CNKSR3: variants seen among roughly 807,000 people sequenced by gnomAD.
The protein encoded by CNKSR3 is CNKSR family member 3.
CNKSR3 carries 36 observed loss-of-function variants against 67.7 expected under a neutral mutation model. The ratio of observed to expected loss-of-function variants is 0.53; its 90% CI spans 0.41 to 0.70. CNKSR3 has a LOEUF of 0.70. CNKSR3 is among the 30% of genes least tolerant of loss of function. CNKSR3 has a pLI of 0.00. For synonymous variants in CNKSR3, 281 were observed against 271.4 expected (o/e 1.04, Z -0.35); for missense variants, 630 against 695.2 (o/e 0.91, Z 1.05).
chr6:154,476,994 A>AT (rs1259238919), intron 1 of CNKSR3, among the ~76,000 whole-genome samples: 1 of 152,216 alleles, frequency 6.6e-6, no homozygotes, highest in Admixed American at 6.5e-5. Flanking sequence ...CATCATATCA[A>AT]TTCTCTCAGA....
At chr6:154,482,967 G>A (rs1222351088) in intron 1 of CNKSR3, among the ~76,000 whole-genome samples, 34 of 152,152 alleles carry the variant, frequency 2.2e-4, no homozygotes, top group Non-Finnish European at 7.3e-5. Context: ...TGCCTGCCAC[G>A]TTAGAAGCAG....
At chr6:154,460,785 T>TA (rs1469364414) in intron 1 of CNKSR3, among the ~76,000 whole-genome samples, 1 of 152,070 alleles carries the variant, frequency 6.6e-6, no homozygotes, top group African/African-American at 2.4e-5. Flanking sequence ...GAATGAAGGG[T>TA]AGAATTAACT....
chr6:154,449,458 G>A (rs767700444), intron 2 of CNKSR3, among the ~76,000 whole-genome samples: 3 of 152,060 alleles, frequency 2.0e-5, no homozygotes, highest in Non-Finnish European at 2.9e-5. Flanking sequence ...GAATATCTGC[G>A]ACTATAGGTG....
chr6:154,422,782 T>C, intron 8 of CNKSR3, 130 bp from the exon 9 acceptor site: 2 of 1,166,306 alleles, frequency 1.7e-6, no homozygotes, highest in Non-Finnish European at 2.5e-6. Flanking sequence ...GGCGTAAGTA[T>C]GCTCATGTTA....
intron 4 of CNKSR3, chr6:154,433,881 C>T (rs1183009477): frequency 2.4e-5 from 4 of 166,518 alleles, no homozygotes; most frequent in Non-Finnish European, 3.8e-5. Flanking sequence ...AATGTGCCCC[C>T]AGGAACAGAC....
chr6:154,426,773 T>A (rs2128714663), intron 7 of CNKSR3, among the ~76,000 whole-genome samples: 2 of 152,308 alleles, frequency 1.3e-5, no homozygotes, highest in South Asian at 4.1e-4. Flanking sequence ...CCAATAGAGT[T>A]GGAAAACACA....
At chr6:154,492,347 C>G (rs1786797879) in intron 1 of CNKSR3, among the ~76,000 whole-genome samples, 1 of 152,016 alleles carries the variant, frequency 6.6e-6, no homozygotes, top group Non-Finnish European at 1.5e-5. Context: ...CATCCAGTCT[C>G]AAAGATTTAA....
At chr6:154,473,071 C>T (rs1231735594) in intron 1 of CNKSR3, among the ~76,000 whole-genome samples, 3 of 152,208 alleles carry the variant, frequency 2.0e-5, no homozygotes, top group African/African-American at 7.2e-5. Flanking sequence ...ACACATTCCT[C>T]CTTCAGTCCC....
Position 154,505,496 on chromosome 6 carries a change from ATTTT to A in CNKSR3, c.52+4563_52+4566del, listed in dbSNP as rs779033286. 3.3e-3 allele frequency among the ~76,000 whole-genome samples: 460 copies of A among 138,818 alleles called. 2 individuals are homozygous for A. Among genetic ancestry groups the A allele is most frequent in the African/African-American group, 0.012 (439 of 36,664 alleles). The allele number at this position is 138,818 out of a possible 152,430, so 91.1% of individuals were successfully genotyped here. ...ACTACACAATTTTATTATTATTATT[ATTTT>A]TTTTTTTTTTTTTTTGAGACAGAGT... On this transcript the variant is annotated intron_variant, in intron 1 of 12. Transcript: ENST00000607772.
intron 1 of CNKSR3, among the ~76,000 whole-genome samples, chr6:154,494,542 A>C (rs567166338): frequency 6.6e-6 from 1 of 152,360 alleles, no homozygotes; most frequent in African/African-American, 2.4e-5. Context: ...TATAAGAAAA[A>C]TAATTTATAA....
At chr6:154,475,873 TA>T (rs11395738) in intron 1 of CNKSR3, among the ~76,000 whole-genome samples, 1 of 152,076 alleles carries the variant, frequency 6.6e-6, no homozygotes, top group South Asian at 2.1e-4. Flanking sequence ...TCAAAGATGA[TA>T]AAAAAACCTT....
intron 9 of CNKSR3, among the ~76,000 whole-genome samples, chr6:154,420,411 C>T (rs184797483): frequency 2.5e-3 from 386 of 151,978 alleles, no homozygotes; most frequent in Non-Finnish European, 3.9e-3. Context: ...CATTGGTGGC[C>T]GGGCGCGGTG....
chr6:154,415,228 A>ATTTTTTTTTTTTTTTTTTTTTTTTTT lies in CNKSR3; in HGVS notation c.946-806_946-805insAAAAAAAAAAAAAAAAAAAAAAAAAA, dbSNP rs35873703. Among the ~76,000 whole-genome samples the ATTTTTTTTTTTTTTTTTTTTTTTTTT allele has an allele frequency of 3.2e-4, 38 of 118,110 alleles. 3 individuals carry two copies. In the East Asian group the frequency reaches 3.3e-3, roughly 10 times the overall value. The allele number at this position is 118,110 out of a possible 152,430, so 77.5% of individuals were successfully genotyped here. A position where few individuals can be genotyped will look rare whatever the true frequency, so the allele number is the denominator to read the frequency against. On this transcript the variant is annotated intron_variant, in intron 9 of 12. Coordinates refer to ENST00000607772, the MANE Select transcript of CNKSR3 (RefSeq NM_173515.4). Reference sequence around the variant, plus strand: ...TCCTGGCTAGACTTACTAGCTGCCCATTTTTTTTTTTTTTTTTTTTAAGAT... The same window carrying ATTTTTTTTTTTTTTTTTTTTTTTTTT: ...TCCTGGCTAGACTTACTAGCTGCCCATTTTTTTTTTTTTTTTTTTTTTTTTTTTTTTTTTTTTTTTTTTTTTAAGAT...
chr6:154,416,434 C>T (rs1314688039), intron 9 of CNKSR3, among the ~76,000 whole-genome samples: 2 of 152,172 alleles, frequency 1.3e-5, no homozygotes, highest in African/African-American at 4.8e-5. Flanking sequence ...CTCAACATGT[C>T]AATTTCGGAC....
intron 10 of CNKSR3, 25 bp from the exon 11 acceptor site, chr6:154,411,167 T>C (rs1562319061): frequency 1.3e-6 from 2 of 1,526,818 alleles, no homozygotes; most frequent in South Asian, 1.1e-5. Flanking sequence ...GGACAATAAT[T>C]AAGTTGTTTA....
intron 9 of CNKSR3, among the ~76,000 whole-genome samples, chr6:154,415,228 A>ATTTTTTT (rs35873703): frequency 0.027 from 3,194 of 117,930 alleles, 241 homozygotes; most frequent in Middle Eastern, 0.059. Flanking sequence ...CTAGCTGCCC[A>ATTTTTTT]TTTTTTTTTT....
chr6:154,422,739 G>A, intron 8 of CNKSR3, 87 bp from the exon 9 acceptor site: 1 of 1,442,120 alleles, frequency 6.9e-7, no homozygotes, highest in South Asian at 1.2e-5. Context: ...GGCAGTCAGG[G>A]TTGTGAGCAG....
chr6:154,435,150 C>CA (rs1785446243), intron 4 of CNKSR3, among the ~76,000 whole-genome samples: 1 of 152,064 alleles, frequency 6.6e-6, no homozygotes, highest in Non-Finnish European at 1.5e-5. Flanking sequence ...TGCACACCAC[C>CA]ACACCTGGCT....
intron 10 of CNKSR3, 95 bp downstream of exon 10, chr6:154,414,204 A>G: frequency 3.0e-6 from 4 of 1,351,078 alleles, no homozygotes; most frequent in Non-Finnish European, 4.0e-6. Flanking sequence ...ACTGTGGCTC[A>G]GCAACTTCCT....
Sources: allele counts gnomAD v4.1 joint callset (sites outside exome capture counted in the v4.1 genomes callset), GRCh38; gene constraint gnomAD v4.1.1; transcripts MANE v1.5; gene names NCBI Gene and HGNC (gene_info 2026-07-23, HGNC 2026-07-21).